The following PTPRG variants were observed in gnomAD, a reference collection of about 807,000 sequenced individuals.
PTPRG encodes receptor-type tyrosine-protein phosphatase gamma.
PTPRG carries 102 observed loss-of-function variants against 165.3 expected under a neutral mutation model. The observed-to-expected ratio is 0.62, with a 90% CI of 0.53 to 0.73. The LOEUF is 0.73. Ranked by LOEUF, PTPRG falls within the 30% of genes least tolerant of loss-of-function variation. PTPRG has a pLI of 0.00. For synonymous variants in PTPRG, 675 were observed against 669.5 expected, an observed-to-expected ratio of 1.01 and a Z score of -0.13; for missense variants, 1,866 against 1,861.4, an observed-to-expected ratio of 1.00 and a Z score of -0.05.
intron 3 of PTPRG, among the ~76,000 whole-genome samples, chr3:61,999,691 A>G (rs1262344719): frequency 6.6e-6 from 1 of 152,210 alleles, no homozygotes; most frequent in Non-Finnish European, 1.5e-5. Flanking sequence ...ATTTTAAAAG[A>G]AAACTCTTTA....
At chr3:62,157,015 G>C (rs1221031419) in intron 6 of PTPRG, 52 bp from the exon 7 acceptor site, 1 of 1,493,818 alleles carries the variant, frequency 6.7e-7, no homozygotes, top group East Asian at 2.3e-5. Flanking sequence ...TCTGCGGCTC[G>C]GAATGGCATG....
intron 4 of PTPRG, among the ~76,000 whole-genome samples, chr3:62,032,750 C>G (rs904317513): frequency 6.6e-5 from 10 of 152,258 alleles, no homozygotes; most frequent in African/African-American, 2.4e-4. Context: ...AGCTTTGGAT[C>G]TAAATATATT....
chr3:62,227,905 C>T (rs1220116043), intron 13 of PTPRG, among the ~76,000 whole-genome samples: 2 of 152,198 alleles, frequency 1.3e-5, no homozygotes, highest in East Asian at 3.9e-4. Context: ...CCCCAGTTAT[C>T]TGGCTTCTTC....
Position 62,144,463 on chromosome 3 carries a change from A to T in PTPRG, c.682+11795A>T, listed in dbSNP as rs1704045633. Among the ~76,000 whole-genome samples the T allele has an allele frequency of 1.3e-5, 2 of 152,252 alleles. 1 individual carries two copies. The highest frequency in any genetic ancestry group is 4.1e-4 in the South Asian group (2 of 4,836). Reference sequence around the variant, plus strand: ...TTTCTCCCTTTTGAACAGGAAAACCAATGCTGTATTATCTATAGCTCACTG... The same window carrying T: ...TTTCTCCCTTTTGAACAGGAAAACCTATGCTGTATTATCTATAGCTCACTG... On this transcript the variant is annotated intron_variant, in intron 6 of 29. Transcript: ENST00000474889.
chr3:62,018,166 A>G (rs1171501957), intron 4 of PTPRG, among the ~76,000 whole-genome samples: 4 of 152,250 alleles, frequency 2.6e-5, no homozygotes. Context: ...CCTTGACCTC[A>G]TAGAACCTGA....
chr3:61,993,959 A>G (rs1250554764), intron 3 of PTPRG, among the ~76,000 whole-genome samples: 2 of 152,230 alleles, frequency 1.3e-5, no homozygotes, highest in Non-Finnish European at 2.9e-5. Flanking sequence ...AGAGTGCTAT[A>G]TATCCTATCC....
intron 8 of PTPRG, among the ~76,000 whole-genome samples, chr3:62,180,796 T>C (rs1433388980): frequency 6.6e-6 from 1 of 152,060 alleles, no homozygotes; most frequent in African/African-American, 2.4e-5. Context: ...AGGGATATCA[T>C]GTAGAAAAAA....
At chr3:61,862,139 C>T (rs922081947) in intron 2 of PTPRG, among the ~76,000 whole-genome samples, 5 of 152,206 alleles carry the variant, frequency 3.3e-5, no homozygotes, top group South Asian at 2.1e-4. Flanking sequence ...GACAGGAGCG[C>T]GAACCCTGTT....
At chr3:61,604,155 C>T (rs1003400959) in intron 1 of PTPRG, among the ~76,000 whole-genome samples, 2 of 152,134 alleles carry the variant, frequency 1.3e-5, no homozygotes, top group African/African-American at 4.8e-5. Context: ...AAAACCTTGT[C>T]TCTACTAAAA....
At position 61,827,282 on chromosome 3, in the gene PTPRG, G is replaced by A. The variant is rs143283777; in HGVS notation, c.190+78300G>A. Among the ~76,000 whole-genome samples the A allele has an allele frequency of 2.6e-3, 401 of 152,312 alleles. 1 individual carries two copies. The highest frequency in any genetic ancestry group is 4.4e-3 in the Non-Finnish European group (299 of 68,020). ...GAGGACTGGTTTGCGGCATAACGTA[G>A]TTCACCCAGAGAAGTATGTGGTAAA... On this transcript the variant is annotated intron_variant, in intron 2 of 29. Coordinates refer to ENST00000474889, the MANE Select transcript of PTPRG (RefSeq NM_002841.4).
intron 4 of PTPRG, among the ~76,000 whole-genome samples, chr3:62,024,625 T>C (rs74706085): frequency 0.024 from 3,582 of 152,336 alleles, 82 homozygotes; most frequent in East Asian, 0.091. Flanking sequence ...TTCCCTTCTC[T>C]GTAGAATATT....
intron 7 of PTPRG, among the ~76,000 whole-genome samples, chr3:62,165,918 G>C (rs961940078): frequency 5.9e-5 from 9 of 152,160 alleles, no homozygotes; most frequent in African/African-American, 9.7e-5. Context: ...CCAGGGTTCA[G>C]GATGACCACC....
chr3:61,605,672 G>T (rs191914836), intron 1 of PTPRG, among the ~76,000 whole-genome samples: 2 of 152,128 alleles, frequency 1.3e-5, no homozygotes, highest in East Asian at 3.9e-4. Context: ...GGCCTCAAGT[G>T]ATTCTTTCAC....
intron 5 of PTPRG, among the ~76,000 whole-genome samples, chr3:62,085,634 T>G (rs1410077230): frequency 6.6e-6 from 1 of 152,216 alleles, no homozygotes; most frequent in Non-Finnish European, 1.5e-5. Context: ...TTAGCTTCTG[T>G]GTGTTTTAGT....
At chr3:61,942,171 AAAGG>A (rs2039648363) in intron 2 of PTPRG, among the ~76,000 whole-genome samples, 1 of 151,654 alleles carries the variant, frequency 6.6e-6, no homozygotes, top group Non-Finnish European at 1.5e-5. Flanking sequence ...AAAAAAAAAA[AAAGG>A]AAGGAAGTTA....
chr3:61,655,821 TG>T (rs1449218120), intron 1 of PTPRG, among the ~76,000 whole-genome samples: 1 of 152,232 alleles, frequency 6.6e-6, no homozygotes, highest in Non-Finnish European at 1.5e-5. Flanking sequence ...TTGCCTAGAC[TG>T]GTCTTGAACT....
intron 2 of PTPRG, among the ~76,000 whole-genome samples, chr3:61,949,062 T>C (rs940796460): frequency 1.4e-5 from 2 of 145,210 alleles, no homozygotes; most frequent in Non-Finnish European, 3.0e-5. Context: ...AAAAAAGCCA[T>C]GGGACCTTAG....
At chr3:61,887,980 A>G (rs754749054) in intron 2 of PTPRG, among the ~76,000 whole-genome samples, 9 of 152,138 alleles carry the variant, frequency 5.9e-5, no homozygotes, top group Non-Finnish European at 8.8e-5. Context: ...AAGTCCAAGT[A>G]AAAAAACCAA....
chr3:61,663,079 T>C (rs552633222), intron 1 of PTPRG, among the ~76,000 whole-genome samples: 1 of 152,284 alleles, frequency 6.6e-6, no homozygotes, highest in South Asian at 2.1e-4. Flanking sequence ...AGCACAGGAA[T>C]TTGAGACAAG....
Sources: gnomAD v4.1 joint callset for allele counts (sites outside exome capture counted in the v4.1 genomes callset) on GRCh38, gnomAD v4.1.1 for gene constraint, MANE v1.5 for transcripts, NCBI Gene and HGNC (gene_info 2026-07-23, HGNC 2026-07-21) for gene names.